Variants in LAMA2 observed in about 807,000 individuals in gnomAD.
LAMA2 encodes the protein laminin subunit alpha-2.
LAMA2 carries 269 observed loss-of-function variants against 364.8 expected under a neutral mutation model. The observed-to-expected ratio is 0.74, with a 90% CI of 0.67 to 0.82. The LOEUF (loss-of-function observed/expected upper bound fraction) is 0.82, where lower values mean the gene tolerates loss of function less well. Among genes scored for constraint, LAMA2 ranks in the 40% least tolerant of loss-of-function variants. The probability of loss-of-function intolerance (pLI) is 0.00; values close to 1 mark genes in which losing one functional copy is unlikely to be tolerated. For missense variants in LAMA2, 3,807 were observed against 3,873.2 expected (o/e 0.98, Z 0.45); for synonymous variants, 1,379 against 1,370.6 (o/e 1.01, Z -0.14).
intron 17 of LAMA2, among the ~76,000 whole-genome samples, chr6:129,277,153 G>A (rs545728894): frequency 5.3e-5 from 8 of 152,120 alleles, no homozygotes; most frequent in Admixed American, 6.6e-5. Context: ...TGGATAATCC[G>A]GGATGAAGAA....
intron 28 of LAMA2, among the ~76,000 whole-genome samples, chr6:129,324,066 G>A (rs1387352326): frequency 6.6e-6 from 1 of 152,130 alleles, no homozygotes; most frequent in Non-Finnish European, 1.5e-5. Flanking sequence ...TATCACTTCT[G>A]TTGCACACCA....
intron 1 of LAMA2, among the ~76,000 whole-genome samples, chr6:128,964,307 G>A (rs1781713892): frequency 6.6e-6 from 1 of 152,024 alleles, no homozygotes; most frequent in African/African-American, 2.4e-5. Context: ...TTTTTCTTAT[G>A]AAGGCAGCAT....
At chr6:129,295,093 G>T (rs1258649473) in intron 20 of LAMA2, among the ~76,000 whole-genome samples, 2 of 152,018 alleles carry the variant, frequency 1.3e-5, no homozygotes, top group Non-Finnish European at 2.9e-5. Context: ...TCAGACTCTG[G>T]AGCCAACCTA....
intron 34 of LAMA2, among the ~76,000 whole-genome samples, chr6:129,382,073 C>T (rs952991388): frequency 6.6e-6 from 1 of 152,186 alleles, no homozygotes; most frequent in Non-Finnish European, 1.5e-5. Flanking sequence ...TATTAATTCT[C>T]TGGCCATGCC....
intron 4 of LAMA2, among the ~76,000 whole-genome samples, chr6:129,116,765 A>G (rs1308687060): frequency 1.3e-5 from 2 of 152,100 alleles, no homozygotes; most frequent in East Asian, 3.9e-4. Flanking sequence ...TAAAGAAATT[A>G]AGGACTTGCA....
chr6:129,226,409 T>A lies in LAMA2; in HGVS notation c.1783-23703T>A, dbSNP rs529358278. On this transcript the variant is annotated intron_variant, in intron 12 of 64. Coordinates refer to ENST00000421865, the MANE Select transcript of LAMA2 (RefSeq NM_000426.4). ...CTGGTTATTTTGCTCGTTAGTTGTT[T>A]CAGTTTCTTCCTAGCATCGATGGTC... 1.8e-4 allele frequency among the ~76,000 whole-genome samples: 28 copies of A among 152,316 alleles called. 1 individual carries two copies. The East Asian group carries it at 5.4e-3, about 29-fold the overall frequency.
At chr6:129,477,448 C>CTT (rs1364957705) in intron 53 of LAMA2, among the ~76,000 whole-genome samples, 1 of 152,028 alleles carries the variant, frequency 6.6e-6, no homozygotes, top group Non-Finnish European at 1.5e-5. Flanking sequence ...TTTATTAAAC[C>CTT]TTTGCAATTT....
intron 1 of LAMA2, among the ~76,000 whole-genome samples, chr6:129,013,436 C>CAAA (rs570882162): frequency 5.1e-5 from 7 of 137,600 alleles, no homozygotes; most frequent in African/African-American, 1.8e-4. Context: ...GACTCCATCT[C>CAAA]AAAAAAAAAA....
At chr6:128,931,228 G>GA (rs1779454392) in intron 1 of LAMA2, among the ~76,000 whole-genome samples, 1 of 152,150 alleles carries the variant, frequency 6.6e-6, no homozygotes, top group African/African-American at 2.4e-5. Flanking sequence ...AAAGTTCTGT[G>GA]AAATTGTTTA....
At position 129,440,898 on chromosome 6, in the gene LAMA2, A is replaced by G. The variant is rs1386248630; in HGVS notation, c.6168A>G (p.Thr2056=). 1.2e-6 allele frequency: 2 copies of G among 1,613,910 alleles called. No individual in the cohort carries two copies. Among genetic ancestry groups the G allele is most frequent in the Admixed American group, 3.3e-5 (2 of 59,974 alleles). The part of the protein sequence containing the change: ...DTAKDVLAQI[T]ELHQNLDGLK... ...CTAAAGATGTACTGGCACAGATTAC[A>G]GAGCTCCACCAGAACCTCGATGGCC... is the stretch of plus-strand genomic sequence containing the variant. Residue 2056 remains threonine (T), a synonymous_variant, in exon 43 of 65, where the codon ACA becomes ACG. Coordinates refer to ENST00000421865, the MANE Select transcript of LAMA2 (RefSeq NM_000426.4).
chr6:129,483,125 CAATAGATAGTAA>C lies in LAMA2; in HGVS notation c.7749+1689_7749+1700del, dbSNP rs1784431495. Reference sequence around the variant, plus strand: ...AAATCTAAAAATAATATAATCTTGTCAATAGATAGTAAAAACATTTGGTAAAATTTAACAGTC... The same window carrying C: ...AAATCTAAAAATAATATAATCTTGTCAAACATTTGGTAAAATTTAACAGTC... On this transcript the variant is annotated intron_variant, in intron 55 of 64. Coordinates refer to ENST00000421865, the MANE Select transcript of LAMA2 (RefSeq NM_000426.4). 2.0e-5 allele frequency among the ~76,000 whole-genome samples: 3 copies of C among 148,368 alleles called. No individual in the cohort carries two copies. The South Asian group carries it at 6.4e-4, about 32-fold the overall frequency.
intron 1 of LAMA2, among the ~76,000 whole-genome samples, chr6:128,911,937 G>T (rs1046436880): frequency 2.0e-5 from 3 of 152,088 alleles, no homozygotes; most frequent in Non-Finnish European, 4.4e-5. Flanking sequence ...CCAGTCTACT[G>T]TCTGTAAAAA....
intron 58 of LAMA2, among the ~76,000 whole-genome samples, chr6:129,499,282 ATTG>A (rs1785440657): frequency 6.6e-6 from 1 of 151,868 alleles, no homozygotes; most frequent in South Asian, 2.1e-4. Context: ...TTTTATTATT[ATTG>A]TTGTTTTAAC....
rs768435216 is a variant in LAMA2, at chr6:129,177,715, C to T, written c.1316C>T (p.Pro439Leu). The T allele has an allele frequency of 2.5e-6, 4 of 1,613,712 alleles. No homozygotes were observed. The highest frequency in any genetic ancestry group is 3.4e-6 in the Non-Finnish European group (4 of 1,179,906). The change falls in exon 10 of 65, where the codon CCT (proline) becomes CTT (leucine). Residue 439 changes from proline (P) to leucine (L), a missense_variant. Coordinates refer to ENST00000421865, the MANE Select transcript of LAMA2 (RefSeq NM_000426.4). ...DEKHARRGLAPGSCHCKTGFG... is the reference protein window; with the variant it reads ...DEKHARRGLALGSCHCKTGFG... ...GCTCATCTTTCTTTAGGTTTGGCAC[C>T]TGGATCCTGTCATTGCAAAACTGGT...
chr6:128,972,054 C>G (rs1782219350), intron 1 of LAMA2, among the ~76,000 whole-genome samples: 1 of 152,154 alleles, frequency 6.6e-6, no homozygotes, highest in East Asian at 1.9e-4. Flanking sequence ...TGGGAATATA[C>G]ATGCTAGGTG....
At chr6:128,966,534 A>T (rs1052955396) in intron 1 of LAMA2, among the ~76,000 whole-genome samples, 4 of 151,690 alleles carry the variant, frequency 2.6e-5, no homozygotes, top group African/African-American at 9.7e-5. Flanking sequence ...TTTAAACTCA[A>T]GGGATTTTCT....
intron 7 of LAMA2, among the ~76,000 whole-genome samples, chr6:129,153,261 A>G (rs1383267695): frequency 1.3e-5 from 2 of 152,196 alleles, no homozygotes; most frequent in African/African-American, 4.8e-5. Flanking sequence ...CACATGCATT[A>G]TCTCACTTGT....
At chr6:129,464,995 C>T (rs2114809453) in intron 50 of LAMA2, 150 bp from the exon 51 acceptor site, 1 of 697,542 alleles carries the variant, frequency 1.4e-6, no homozygotes, top group Non-Finnish European at 2.5e-6. Flanking sequence ...AATAGTAACA[C>T]CAATTCTATT....
chr6:129,407,165 T>TG (rs1780288825), intron 40 of LAMA2, among the ~76,000 whole-genome samples: 10 of 152,034 alleles, frequency 6.6e-5, no homozygotes, highest in Non-Finnish European at 1.2e-4. Context: ...TCCAGTCCAG[T>TG]GACTCAAATT....
Sources: gnomAD v4.1 joint callset for allele counts (sites outside exome capture counted in the v4.1 genomes callset) on GRCh38, gnomAD v4.1.1 for gene constraint, MANE v1.5 for transcripts, NCBI Gene and HGNC (gene_info 2026-07-23, HGNC 2026-07-21) for gene names.